Variants in PLXNA4 observed in about 807,000 individuals in gnomAD.
PLXNA4 encodes the protein plexin-A4.
In PLXNA4, 44 loss-of-function variants were observed where a neutral mutation model predicts 191.8. That is an observed-to-expected ratio of 0.23 (90% CI 0.18 to 0.29). The LOEUF is 0.29. Ranked by LOEUF, PLXNA4 falls within the 10% of genes least tolerant of loss-of-function variation. PLXNA4 has a pLI of 1.00. For missense variants in PLXNA4, 1,800 were observed against 2,488.8 expected, an observed-to-expected ratio of 0.72 and a Z score of 5.89; for synonymous variants, 1,082 against 1,009.5, an observed-to-expected ratio of 1.07 and a Z score of -1.36.
intron 2 of PLXNA4, among the ~76,000 whole-genome samples, chr7:132,610,919 G>A (rs954029564): frequency 6.6e-5 from 10 of 152,148 alleles, no homozygotes; most frequent in East Asian, 5.8e-4. Context: ...TGTCTGGCCC[G>A]TGGAGCAGTT....
chr7:132,532,096 C>A (rs2116443281), intron 1 of PLXNA4, among the ~76,000 whole-genome samples: 1 of 152,336 alleles, frequency 6.6e-6, no homozygotes. Context: ...CAGGTGTCAA[C>A]TTGGCACAAC....
chr7:132,276,534 G>A (rs572250436), intron 4 of PLXNA4, among the ~76,000 whole-genome samples: 17 of 151,918 alleles, frequency 1.1e-4, no homozygotes, highest in African/African-American at 2.7e-4. Flanking sequence ...TCCCTGAGTC[G>A]TCCCTAAGCA....
chr7:132,623,631 A>G (rs4998660), intron 2 of PLXNA4, among the ~76,000 whole-genome samples: 100,323 of 152,070 alleles, frequency 0.66, 33,550 homozygotes, highest in Middle Eastern at 0.69. Flanking sequence ...GCTGAAGACA[A>G]GGAGAGGAGG....
intron 3 of PLXNA4, chr7:132,485,141 T>C: frequency 1.5e-6 from 2 of 1,351,704 alleles, no homozygotes; most frequent in Non-Finnish European, 2.0e-6. Context: ...TGCCTCTTCA[T>C]GGGAATGTGC....
chr7:132,465,477 T>C (rs1472528801), intron 3 of PLXNA4, among the ~76,000 whole-genome samples: 1 of 152,224 alleles, frequency 6.6e-6, no homozygotes, highest in Non-Finnish European at 1.5e-5. Flanking sequence ...AAAGGGGACC[T>C]TACCTTGGTC....
chr7:132,191,469 T>C (rs1057008380), intron 14 of PLXNA4, among the ~76,000 whole-genome samples: 1 of 152,070 alleles, frequency 6.6e-6, no homozygotes. Flanking sequence ...GTGGCCTTGA[T>C]TGAGCCGCTG....
intron 3 of PLXNA4, among the ~76,000 whole-genome samples, chr7:132,425,517 C>T (rs1185425006): frequency 6.6e-6 from 1 of 152,082 alleles, no homozygotes; most frequent in Non-Finnish European, 1.5e-5. Flanking sequence ...TCCTCCCCTT[C>T]CTCACCCTCC....
chr7:132,217,651 T>C (rs1798005634), intron 9 of PLXNA4, among the ~76,000 whole-genome samples: 1 of 152,088 alleles, frequency 6.6e-6, no homozygotes, highest in Non-Finnish European at 1.5e-5. Context: ...AATACAAAAA[T>C]GTAACGCATC....
intron 3 of PLXNA4, among the ~76,000 whole-genome samples, chr7:132,431,580 G>A (rs901779235): frequency 2.0e-5 from 3 of 152,176 alleles, no homozygotes; most frequent in Non-Finnish European, 2.9e-5. Flanking sequence ...ACACAGGAGT[G>A]TCACAGCATT....
intron 1 of PLXNA4, among the ~76,000 whole-genome samples, chr7:132,647,374 T>G (rs936910844): frequency 1.3e-5 from 2 of 151,504 alleles, no homozygotes; most frequent in African/African-American, 4.9e-5. Context: ...CACACACACA[T>G]GCAGTCATGC....
chr7:132,455,390 T>A (rs894787660), intron 3 of PLXNA4, among the ~76,000 whole-genome samples: 2 of 151,500 alleles, frequency 1.3e-5, no homozygotes, highest in Admixed American at 6.6e-5. Context: ...AAGCAGAACA[T>A]GAGAAGGAGG....
At chr7:132,538,686 T>C (rs1040640306) in intron 1 of PLXNA4, among the ~76,000 whole-genome samples, 1 of 152,230 alleles carries the variant, frequency 6.6e-6, no homozygotes, top group African/African-American at 2.4e-5. Flanking sequence ...GGGTATCATA[T>C]TATGGCTGGA....
intron 3 of PLXNA4, among the ~76,000 whole-genome samples, chr7:132,477,238 C>T (rs1183543034): frequency 1.2e-4 from 18 of 152,202 alleles, no homozygotes. Flanking sequence ...CCTTCTCTCC[C>T]ACCTCCCTGC....
chr7:132,603,162 T>C (rs1019825604), intron 2 of PLXNA4, among the ~76,000 whole-genome samples: 1 of 152,230 alleles, frequency 6.6e-6, no homozygotes, highest in Non-Finnish European at 1.5e-5. Flanking sequence ...TCAATTTTCC[T>C]TGAAGAAGCT....
At chr7:132,453,099 G>T (rs1233936856) in intron 3 of PLXNA4, among the ~76,000 whole-genome samples, 1 of 152,202 alleles carries the variant, frequency 6.6e-6, no homozygotes, top group Non-Finnish European at 1.5e-5. Context: ...GACAAGAGAA[G>T]TGGAGGAAAA....
At chr7:132,532,914 T>C (rs1799679446) in intron 1 of PLXNA4, among the ~76,000 whole-genome samples, 1 of 152,222 alleles carries the variant, frequency 6.6e-6, no homozygotes. Flanking sequence ...TTATTCCCTC[T>C]AGGCCTCAGT....
chr7:132,500,005 T>C (rs762299320), intron 2 of PLXNA4, among the ~76,000 whole-genome samples: 2 of 152,128 alleles, frequency 1.3e-5, no homozygotes, highest in Admixed American at 6.5e-5. Flanking sequence ...GTTGTCTCTT[T>C]CTCCTTCTCT....
chr7:132,598,827 C>T (rs971207224), intron 2 of PLXNA4, among the ~76,000 whole-genome samples: 1 of 152,124 alleles, frequency 6.6e-6, no homozygotes, highest in Admixed American at 6.5e-5. Flanking sequence ...ATATTTTGTG[C>T]TTTTAAAATT....
chr7:132,327,173 A>AAAAAAAAAAAAAG (rs373719875), intron 3 of PLXNA4, among the ~76,000 whole-genome samples: 3 of 133,858 alleles, frequency 2.2e-5, no homozygotes, highest in Non-Finnish European at 3.3e-5. Flanking sequence ...GGAAGGCAAA[A>AAAAAAAAAAAAAG]AAAAAAGAAA....
Sources: gnomAD v4.1 joint callset for allele counts (sites outside exome capture counted in the v4.1 genomes callset) on GRCh38, gnomAD v4.1.1 for gene constraint, MANE v1.5 for transcripts, NCBI Gene and HGNC (gene_info 2026-07-23, HGNC 2026-07-21) for gene names.